NELL1: variants seen among roughly 807,000 people sequenced by gnomAD.
NELL1 encodes the protein protein kinase C-binding protein NELL1.
A neutral mutation model predicts 107.4 loss-of-function variants in NELL1; 76 were observed. The observed-to-expected ratio is 0.71, with a 90% CI of 0.59 to 0.86. NELL1 has a LOEUF of 0.86. Among genes scored for constraint, NELL1 ranks in the 40% least tolerant of loss-of-function variants. The probability of loss-of-function intolerance (pLI) is 0.00; values close to 1 mark genes in which losing one functional copy is unlikely to be tolerated. For missense variants in NELL1, 1,024 were observed against 1,005.5 expected (o/e 1.02, Z -0.25); for synonymous variants, 353 against 341.2 (o/e 1.03, Z -0.38).
At chr11:20,866,750 T>C (rs1388242930) in intron 4 of NELL1, among the ~76,000 whole-genome samples, 1 of 152,206 alleles carries the variant, frequency 6.6e-6, no homozygotes. Flanking sequence ...CTTCTTTTAT[T>C]GTCTTTGAAG....
intron 15 of NELL1, among the ~76,000 whole-genome samples, chr11:21,504,760 A>T (rs188869384): frequency 6.6e-6 from 1 of 152,270 alleles, no homozygotes; most frequent in African/African-American, 2.4e-5. Context: ...ACTAGCTCGA[A>T]GCAGAGAATT....
intron 5 of NELL1, among the ~76,000 whole-genome samples, chr11:20,901,473 T>G (rs187528686): frequency 3.9e-5 from 6 of 152,008 alleles, no homozygotes; most frequent in Non-Finnish European, 8.8e-5. Context: ...GCTATGTTCT[T>G]GGAGAAGAAG....
intron 12 of NELL1, among the ~76,000 whole-genome samples, chr11:21,094,318 A>G (rs1028258239): frequency 1.3e-5 from 2 of 152,212 alleles, no homozygotes; most frequent in Admixed American, 6.5e-5. Context: ...GTGGCTTTGC[A>G]GGGTACAGCC....
intron 15 of NELL1, among the ~76,000 whole-genome samples, chr11:21,464,232 A>G (rs533197912): frequency 1.4e-3 from 206 of 152,164 alleles, no homozygotes; most frequent in African/African-American, 4.8e-3. Flanking sequence ...TTTTTCTGGA[A>G]AGTGTCAAAA....
chr11:21,570,332 A>C (rs1337365600), intron 17 of NELL1, among the ~76,000 whole-genome samples: 1 of 151,848 alleles, frequency 6.6e-6, no homozygotes, highest in African/African-American at 2.4e-5. Flanking sequence ...GGGCATAATC[A>C]GACTTCCTTT....
intron 2 of NELL1, among the ~76,000 whole-genome samples, chr11:20,740,083 G>A (rs114175688): frequency 1.3e-5 from 2 of 152,150 alleles, no homozygotes; most frequent in Non-Finnish European, 2.9e-5. Context: ...ATTTCAGTGA[G>A]GGAAGAATAG....
intron 5 of NELL1, among the ~76,000 whole-genome samples, chr11:20,908,410 A>G (rs1850052246): frequency 6.6e-6 from 1 of 152,194 alleles, no homozygotes; most frequent in African/African-American, 2.4e-5. Flanking sequence ...TTGCAGGGAC[A>G]TGGATGAAGC....
chr11:20,852,881 T>G (rs1323843618), intron 4 of NELL1, among the ~76,000 whole-genome samples: 1 of 152,094 alleles, frequency 6.6e-6, no homozygotes, highest in Non-Finnish European at 1.5e-5. Context: ...ATGTGTAAAT[T>G]TAAGTAACAG....
At chr11:21,513,869 C>T (rs756664534) in intron 15 of NELL1, among the ~76,000 whole-genome samples, 9 of 152,138 alleles carry the variant, frequency 5.9e-5, no homozygotes, top group African/African-American at 1.2e-4. Context: ...ACTCAAAATA[C>T]GTGTCTTAGA....
chr11:21,277,714 C>A (rs1245282310), intron 14 of NELL1, among the ~76,000 whole-genome samples: 1 of 152,188 alleles, frequency 6.6e-6, no homozygotes, highest in Non-Finnish European at 1.5e-5. Context: ...GAATACTATG[C>A]ATCCATAAAA....
intron 2 of NELL1, among the ~76,000 whole-genome samples, chr11:20,711,311 G>T (rs1855108233): frequency 6.6e-6 from 1 of 152,064 alleles, no homozygotes; most frequent in African/African-American, 2.4e-5. Context: ...GTGGATACTT[G>T]GTTGGTAGAT....
intron 13 of NELL1, among the ~76,000 whole-genome samples, chr11:21,213,254 G>A (rs1046836609): frequency 6.6e-6 from 1 of 152,036 alleles, no homozygotes; most frequent in African/African-American, 2.4e-5. Flanking sequence ...GAGGCATACT[G>A]TATCCATGGA....
intron 13 of NELL1, among the ~76,000 whole-genome samples, chr11:21,149,567 A>G (rs771306417): frequency 1.3e-5 from 2 of 152,174 alleles, no homozygotes; most frequent in Admixed American, 6.5e-5. Flanking sequence ...TGATTCATTT[A>G]TCTCCACCTG....
rs182982936 is a variant in NELL1 at position 20,866,569 on chromosome 11, G to A, written c.506+18816G>A. Among the ~76,000 whole-genome samples, 542 of 152,258 alleles carry A rather than the reference G, an allele frequency of 3.6e-3. 15 individuals are homozygous for A. Among genetic ancestry groups the A allele is most frequent in the Admixed American group, 0.033 (507 of 15,292 alleles). ...TTCAACATTCACAGAATACAGTATTGGCAAGAGTAAATCCTGTTATTTGTG... is the reference window on the plus strand; with the variant it reads ...TTCAACATTCACAGAATACAGTATTAGCAAGAGTAAATCCTGTTATTTGTG... On this transcript the variant is annotated intron_variant, in intron 4 of 19. Transcript: ENST00000357134.
At chr11:20,820,711 T>A (rs757182386) in intron 3 of NELL1, among the ~76,000 whole-genome samples, 12 of 152,098 alleles carry the variant, frequency 7.9e-5, no homozygotes, top group African/African-American at 2.4e-5. Flanking sequence ...TACCTATTTC[T>A]CTTGTCAAAG....
At chr11:21,437,878 A>T (rs565903102) in intron 15 of NELL1, among the ~76,000 whole-genome samples, 144 of 152,292 alleles carry the variant, frequency 9.5e-4, no homozygotes, top group African/African-American at 3.3e-3. Flanking sequence ...TGGAAAACTT[A>T]AATTATTTGC....
intron 12 of NELL1, among the ~76,000 whole-genome samples, chr11:20,968,577 T>G (rs1339057424): frequency 6.6e-6 from 1 of 152,244 alleles, no homozygotes; most frequent in African/African-American, 2.4e-5. Context: ...CTTTATTTGC[T>G]ACGGAATGCC....
chr11:20,795,833 T>C (rs1857158851), intron 3 of NELL1, among the ~76,000 whole-genome samples: 1 of 152,202 alleles, frequency 6.6e-6, no homozygotes, highest in Non-Finnish European at 1.5e-5. Context: ...TTCAGTTTTC[T>C]GAGCTCTCAT....
At chr11:21,514,409 C>A (rs1855508257) in intron 15 of NELL1, among the ~76,000 whole-genome samples, 1 of 152,112 alleles carries the variant, frequency 6.6e-6, no homozygotes, top group African/African-American at 2.4e-5. Flanking sequence ...AATATGAGGG[C>A]AGATGTCACA....
Sources: allele counts gnomAD v4.1 joint callset (sites outside exome capture counted in the v4.1 genomes callset), GRCh38; gene constraint gnomAD v4.1.1; transcripts MANE v1.5; gene names NCBI Gene and HGNC (gene_info 2026-07-23, HGNC 2026-07-21).